RB1: variants seen among roughly 807,000 people sequenced by gnomAD.
The protein encoded by RB1 is retinoblastoma-associated protein.
In RB1, 18 loss-of-function variants were observed where a neutral mutation model predicts 135.4. That is an observed-to-expected ratio of 0.13 (90% confidence interval 0.09 to 0.20). RB1 has a LOEUF of 0.20. Among genes scored for constraint, RB1 ranks in the 10% least tolerant of loss-of-function variants. The pLI, the probability that RB1 is intolerant of heterozygous loss-of-function variation, is 1.00. For synonymous variants in RB1, 365 were observed against 373.2 expected, an observed-to-expected ratio of 0.98 and a Z score of 0.25; for missense variants, 868 against 1,110.0, an observed-to-expected ratio of 0.78 and a Z score of 3.10.
chr13:48,417,499 CA>C (rs1948933005), intron 17 of RB1, among the ~76,000 whole-genome samples: 1 of 152,106 alleles, frequency 6.6e-6, no homozygotes, highest in Non-Finnish European at 1.5e-5. Flanking sequence ...CTGACAATTC[CA>C]AAAACCAGAA....
chr13:48,432,039 A>G (rs952658994), intron 17 of RB1, among the ~76,000 whole-genome samples: 2 of 152,142 alleles, frequency 1.3e-5, no homozygotes, highest in African/African-American at 4.8e-5. Context: ...CAATTATACA[A>G]CTGGTCATAT....
intron 19 of RB1, among the ~76,000 whole-genome samples, chr13:48,458,075 G>A (rs1305605206): frequency 2.6e-5 from 4 of 152,338 alleles, no homozygotes; most frequent in Admixed American, 6.5e-5. Flanking sequence ...GAAGCACTGG[G>A]GAGCTCCTGT....
At chr13:48,382,564 G>A (rs1948544155) in intron 17 of RB1, among the ~76,000 whole-genome samples, 1 of 152,140 alleles carries the variant, frequency 6.6e-6, no homozygotes, top group African/African-American at 2.4e-5. Context: ...TTGTAAATTT[G>A]TTTGAGTTCT....
At chr13:48,439,640 A>G (rs1310763405) in intron 17 of RB1, 1 of 152,198 alleles carries the variant, frequency 6.6e-6, no homozygotes, top group Non-Finnish European at 1.5e-5. Context: ...ATGCTGGGAA[A>G]AAGAGAAACA....
intron 10 of RB1, among the ~76,000 whole-genome samples, chr13:48,367,920 T>C (rs1263318057): frequency 6.6e-6 from 1 of 152,158 alleles, no homozygotes. Flanking sequence ...CTTATTTCTA[T>C]CCTTTCATAT....
chr13:48,417,407 GA>G (rs1178187816), intron 17 of RB1: 1 of 152,158 alleles, frequency 6.6e-6, no homozygotes, highest in East Asian at 1.9e-4. Flanking sequence ...CTTCCACACA[GA>G]AACCCCATTT....
intron 2 of RB1, chr13:48,328,483 AC>A: frequency 2.4e-6 from 2 of 850,250 alleles, no homozygotes; most frequent in South Asian, 2.6e-5. Context: ...TGCGGCTGGA[AC>A]TTTCCTCTCC....
chr13:48,451,762 A>G (rs1404696985), intron 17 of RB1, among the ~76,000 whole-genome samples: 1 of 142,874 alleles, frequency 7.0e-6, no homozygotes, highest in African/African-American at 2.6e-5. Context: ...TTTGGTTGGT[A>G]GGCTATTTAT....
At chr13:48,388,958 G>A (rs1371899259) in intron 17 of RB1, among the ~76,000 whole-genome samples, 1 of 151,960 alleles carries the variant, frequency 6.6e-6, no homozygotes, top group Non-Finnish European at 1.5e-5. Flanking sequence ...CCAGGAGTTC[G>A]AGACTAGCCT....
intron 6 of RB1, among the ~76,000 whole-genome samples, chr13:48,353,104 T>C (rs1952562380): frequency 6.6e-6 from 1 of 151,836 alleles, no homozygotes; most frequent in African/African-American, 2.4e-5. Flanking sequence ...AAAAGAAAGA[T>C]CGAGCAGAAA....
At chr13:48,328,072 ACAT>A (rs1274279160) in intron 2 of RB1, 1 of 828,534 alleles carries the variant, frequency 1.2e-6, no homozygotes, top group African/African-American at 1.7e-5. Context: ...CAATTTCAAA[ACAT>A]CATTTAATTG....
chr13:48,426,837 G>A (rs1949086518), intron 17 of RB1: 1 of 152,234 alleles, frequency 6.6e-6, no homozygotes, highest in Non-Finnish European at 1.5e-5. Flanking sequence ...GTAAAGAAAA[G>A]AGTAGGGTTT....
chr13:48,379,716 C>T (rs1948515263), intron 14 of RB1, 66 bp downstream of exon 14: 1 of 1,552,672 alleles, frequency 6.4e-7, no homozygotes, highest in Non-Finnish European at 8.7e-7. Flanking sequence ...AATCCCAGCA[C>T]TTTGGGAGGC....
At position 48,363,203 on chromosome 13, in the gene RB1, A is replaced by AG. The variant is rs558755474; in HGVS notation, c.861+247dup. On this transcript the variant is annotated intron_variant, in intron 8 of 26. Coordinates refer to ENST00000267163, the MANE Select transcript of RB1 (RefSeq NM_000321.3). ...AATCAAGACAATAGTTTTCAAATGT[A>AG]GTTTTTTTTTTTTTTTATTCCTCTG... is the stretch of plus-strand genomic sequence containing the variant. Among the ~76,000 whole-genome samples the AG allele has an allele frequency of 0.012, 1,756 of 143,400 alleles. 23 individuals are homozygous for AG. Among genetic ancestry groups the AG allele is most frequent in the African/African-American group, 0.025 (994 of 39,546 alleles). 94.1% of individuals were successfully genotyped at this position (143,400 alleles called of 152,430 possible).
At position 48,380,161 on chromosome 13, in the gene RB1, T is replaced by C; in HGVS notation, c.1422-4T>C. ...ATTTTATAATCTTTTTTTTTTTCCT[T>C]TAGCAAACTTCTGAATGACAACATT... On this transcript the variant is annotated splice_region_variant and splice_polypyrimidine_tract_variant and intron_variant, in intron 15 of 26. Transcript: ENST00000267163. 6.3e-7 allele frequency: 1 copy of C among 1,575,404 alleles called. No individual in the cohort carries two copies. The highest frequency in any genetic ancestry group is 8.6e-7 in the Non-Finnish European group (1 of 1,160,528).
intron 17 of RB1, among the ~76,000 whole-genome samples, chr13:48,393,548 G>T (rs950507173): frequency 3.3e-5 from 5 of 152,156 alleles, no homozygotes; most frequent in Admixed American, 6.5e-5. Flanking sequence ...AACGAATCTG[G>T]TCCCTGTTTC....
At position 48,459,909 on chromosome 13, in the gene RB1, C is replaced by CTTTA. The variant is rs1555294151; in HGVS notation, c.2106+79_2106+80insATTT. ...TGATTCTTTCTTTCTTTCTTTCTTTCTTTCTTTCTTTCTTTCTTTCTTTCT... is the reference window on the plus strand; with the variant it reads ...TGATTCTTTCTTTCTTTCTTTCTTTCTTTATTTCTTTCTTTCTTTCTTTCTTTCT... On this transcript the variant is annotated intron_variant, in intron 20 of 26. Transcript: ENST00000267163. 6 of 467,412 alleles carry CTTTA rather than the reference C, an allele frequency of 1.3e-5. 1 individual carries two copies. The African/African-American group carries it at 1.7e-4, about 13-fold the overall frequency. The allele number at this position is 467,412 out of a possible 1,614,324, so 29.0% of individuals were successfully genotyped here.
intron 17 of RB1, among the ~76,000 whole-genome samples, chr13:48,408,151 A>G (rs756709471): frequency 7.9e-5 from 12 of 152,222 alleles, no homozygotes; most frequent in Non-Finnish European, 1.3e-4. Context: ...ACCAATATCT[A>G]TAATTAAGAT....
rs1948515759 is a variant in RB1 at position 48,379,785 on chromosome 13, C to A, written c.1389+135C>A. On this transcript the variant is annotated intron_variant, in intron 14 of 26. Coordinates refer to ENST00000267163, the MANE Select transcript of RB1 (RefSeq NM_000321.3). ...GATCATCCTGGCCAAAATGGTGAAA[C>A]CCTGTCTCTACTAAAAGTACAAAAA... 5.9e-6 allele frequency: 7 copies of A among 1,181,032 alleles called. No individual in the cohort carries two copies. The South Asian group carries it at 1.0e-4, about 17-fold the overall frequency. 73.2% of individuals were successfully genotyped at this position (1,181,032 alleles called of 1,614,324 possible).
Sources: allele counts gnomAD v4.1 joint callset (sites outside exome capture counted in the v4.1 genomes callset), GRCh38; gene constraint gnomAD v4.1.1; transcripts MANE v1.5; gene names NCBI Gene and HGNC (gene_info 2026-07-23, HGNC 2026-07-21).